RYK: variants seen among roughly 807,000 people sequenced by gnomAD.
RYK encodes receptor like tyrosine kinase.
A neutral mutation model predicts 70.2 loss-of-function variants in RYK; 21 were observed. The ratio of observed to expected loss-of-function variants is 0.30; its 90% CI spans 0.21 to 0.43. The LOEUF (loss-of-function observed/expected upper bound fraction) is 0.43, where lower values mean the gene tolerates loss of function less well. Ranked by LOEUF, RYK falls within the 20% of genes least tolerant of loss-of-function variation. RYK has a pLI of 1.00. For missense variants in RYK, 604 were observed against 753.3 expected (o/e 0.80, Z 2.32); for synonymous variants, 267 against 278.0 (o/e 0.96, Z 0.39).
chr3:134,206,443 G>GA (rs2014214796), intron 5 of RYK, among the ~76,000 whole-genome samples: 1 of 144,218 alleles, frequency 6.9e-6, no homozygotes, highest in Non-Finnish European at 1.5e-5. Context: ...AGGGTTGGTG[G>GA]TTTCTGATTA....
intron 1 of RYK, among the ~76,000 whole-genome samples, chr3:134,243,762 T>C (rs2015383742): frequency 1.3e-5 from 2 of 152,142 alleles, no homozygotes; most frequent in Non-Finnish European, 2.9e-5. Flanking sequence ...ACAAGTTTCC[T>C]AAACTCTCTA....
intron 13 of RYK, among the ~76,000 whole-genome samples, chr3:134,160,036 T>C (rs946691232): frequency 6.6e-6 from 1 of 152,162 alleles, no homozygotes; most frequent in African/African-American, 2.4e-5. Context: ...GCAACGTCTC[T>C]ACACAGAGCT....
chr3:134,226,188 C>G (rs1161329261), intron 1 of RYK, among the ~76,000 whole-genome samples: 1 of 151,788 alleles, frequency 6.6e-6, no homozygotes, highest in Non-Finnish European at 1.5e-5. Flanking sequence ...CACAAATTAC[C>G]AATACTAGGA....
intron 13 of RYK, 38 bp from the exon 14 acceptor site, chr3:134,159,411 A>G: frequency 6.5e-7 from 1 of 1,546,490 alleles, no homozygotes; most frequent in Non-Finnish European, 8.7e-7. Flanking sequence ...GGGACATTTA[A>G]AACAACAGTC....
In RYK at chr3:134,238,468, G is replaced by A. The variant is rs540753822; in HGVS notation, c.232+11955C>T. ...ATAAATATACCCCTTCTTCCCCTCCGTCCTTCAGACTGCCTTCTTTCTGCC... is the reference window on the plus strand; with the variant it reads ...ATAAATATACCCCTTCTTCCCCTCCATCCTTCAGACTGCCTTCTTTCTGCC... On this transcript the variant is annotated intron_variant, in intron 1 of 14. Transcript: ENST00000623711. 2.0e-5 allele frequency among the ~76,000 whole-genome samples: 3 copies of A among 152,170 alleles called. No homozygotes were observed. The South Asian group carries it at 6.2e-4, about 32-fold the overall frequency.
At chr3:134,207,055 G>C (rs988819354) in intron 5 of RYK, among the ~76,000 whole-genome samples, 12 of 151,934 alleles carry the variant, frequency 7.9e-5, no homozygotes, top group Admixed American at 7.2e-4. Context: ...TTGCATACCT[G>C]CTCTGTAGGT....
At chr3:134,238,700 A>G (rs1321000948) in intron 1 of RYK, among the ~76,000 whole-genome samples, 1 of 152,214 alleles carries the variant, frequency 6.6e-6, no homozygotes, top group Non-Finnish European at 1.5e-5. Context: ...GTTAGAATAC[A>G]AGCAAGGACA....
At position 134,191,934 on chromosome 3, in the gene RYK, A is replaced by C. The variant is rs1220945509; in HGVS notation, c.930T>G (p.Ser310Arg). The C allele has an allele frequency of 1.2e-6, 2 of 1,613,476 alleles. No individual in the cohort carries two copies. Among genetic ancestry groups the C allele is most frequent in the African/African-American group, 1.3e-5 (1 of 75,030 alleles). ...TLRIEKNDLR[S>R]VTLLEAKGKV... Reference sequence around the variant, plus strand: ...TGCCTTTGGCCTCCAAAAGAGTGACACTTCTCAAGTCGTTCTTCTCTATCC... The same window carrying C: ...TGCCTTTGGCCTCCAAAAGAGTGACCCTTCTCAAGTCGTTCTTCTCTATCC... Residue 310 changes from serine (S) to arginine (R), a missense_variant, in exon 8 of 15, where the codon AGT (serine) becomes AGG (arginine). Physicochemically the swap from Ser to Arg is moderately radical, Grantham distance 110 (BLOSUM62 -1). Transcript: ENST00000623711.
At chr3:134,219,387 C>T (rs1165931791) in intron 2 of RYK, among the ~76,000 whole-genome samples, 1 of 152,196 alleles carries the variant, frequency 6.6e-6, no homozygotes, top group Non-Finnish European at 1.5e-5. Context: ...TCAGTCCTGA[C>T]TGCCACTTCC....
intron 2 of RYK, among the ~76,000 whole-genome samples, chr3:134,212,337 A>C (rs369141510): frequency 6.6e-6 from 1 of 152,236 alleles, no homozygotes; most frequent in Non-Finnish European, 1.5e-5. Flanking sequence ...TTCATGAAAG[A>C]AGCAGCTCAA....
chr3:134,165,112 A>G (rs1215274487), intron 13 of RYK, among the ~76,000 whole-genome samples: 1 of 152,084 alleles, frequency 6.6e-6, no homozygotes, highest in East Asian at 1.9e-4. Context: ...GCTCTTTCAC[A>G]TTTTTTGTCA....
intron 6 of RYK, among the ~76,000 whole-genome samples, chr3:134,200,509 C>G (rs774275350): frequency 7.9e-5 from 12 of 152,190 alleles, no homozygotes; most frequent in Non-Finnish European, 1.8e-4. Flanking sequence ...CGGCTTCATT[C>G]TTGAAGTCAG....
At chr3:134,208,684 T>C (rs1472907148) in intron 4 of RYK, among the ~76,000 whole-genome samples, 1 of 152,176 alleles carries the variant, frequency 6.6e-6, no homozygotes, top group Non-Finnish European at 1.5e-5. Flanking sequence ...AATTGGGAAA[T>C]TTATTAAAAG....
At chr3:134,187,003 G>C (rs1363266927) in intron 9 of RYK, among the ~76,000 whole-genome samples, 1 of 152,126 alleles carries the variant, frequency 6.6e-6, no homozygotes, top group Non-Finnish European at 1.5e-5. Flanking sequence ...AACCTACTGG[G>C]ACCTAACTTA....
chr3:134,234,696 A>G (rs1310105878), intron 1 of RYK, among the ~76,000 whole-genome samples: 2 of 152,168 alleles, frequency 1.3e-5, no homozygotes, highest in Non-Finnish European at 2.9e-5. Flanking sequence ...ATTCTTCCCA[A>G]AAAGTTTCTC....
intron 9 of RYK, among the ~76,000 whole-genome samples, chr3:134,188,160 T>C (rs1454536870): frequency 2.2e-5 from 1 of 45,186 alleles, no homozygotes; most frequent in African/African-American, 5.2e-5. Flanking sequence ...AATATATATA[T>C]ATATATATTT....
intron 6 of RYK, among the ~76,000 whole-genome samples, chr3:134,200,420 C>T (rs960315270): frequency 3.9e-5 from 6 of 152,034 alleles, no homozygotes; most frequent in East Asian, 1.9e-4. Context: ...GAAGAAACTC[C>T]GGACACATCT....
chr3:134,188,768 G>A, intron 9 of RYK, 69 bp downstream of exon 9: 2 of 910,022 alleles, frequency 2.2e-6, no homozygotes, highest in Non-Finnish European at 3.4e-6. Flanking sequence ...AACTGAGACA[G>A]AATTTTGCTG....
chr3:134,182,496 A>G (rs2013330606), intron 10 of RYK, among the ~76,000 whole-genome samples: 1 of 152,134 alleles, frequency 6.6e-6, no homozygotes, highest in African/African-American at 2.4e-5. Flanking sequence ...ATATACACAA[A>G]TATATAGATA....
Sources: gnomAD v4.1 joint callset for allele counts (sites outside exome capture counted in the v4.1 genomes callset) on GRCh38, gnomAD v4.1.1 for gene constraint, MANE v1.5 for transcripts, NCBI Gene and HGNC (gene_info 2026-07-23, HGNC 2026-07-21) for gene names.